GPC5: variants seen among roughly 807,000 people sequenced by gnomAD.
The protein encoded by GPC5 is glypican-5.
Under a neutral mutation model 53.9 loss-of-function variants are expected in GPC5, and 47 were observed. The observed-to-expected ratio is 0.87, with a 90% confidence interval of 0.69 to 1.11. GPC5 has a LOEUF of 1.11. Ranked by LOEUF, GPC5 falls within the 50% of genes most tolerant of loss-of-function variation. GPC5 has a pLI of 0.00. For synonymous variants in GPC5, 286 were observed against 263.3 expected (o/e 1.09, Z -0.84); for missense variants, 748 against 713.1 (o/e 1.05, Z -0.56).
intron 2 of GPC5, among the ~76,000 whole-genome samples, chr13:91,512,950 CT>C (rs148615751): frequency 0.03 from 4,552 of 152,222 alleles, 97 homozygotes; most frequent in Middle Eastern, 0.054. Context: ...CTTTTTACAT[CT>C]TAACCAGATA....
intron 6 of GPC5, among the ~76,000 whole-genome samples, chr13:92,084,881 T>C (rs1459329480): frequency 1.3e-5 from 2 of 152,174 alleles, no homozygotes; most frequent in African/African-American, 4.8e-5. Flanking sequence ...GACAGGATAA[T>C]TTAGACAATT....
At position 92,464,946 on chromosome 13, in the gene GPC5, C is replaced by T. The variant is rs754642092; in HGVS notation, c.1561+319957C>T. On this transcript the variant is annotated intron_variant, in intron 7 of 7. Coordinates refer to ENST00000377067, the MANE Select transcript of GPC5 (RefSeq NM_004466.6). ...TATATTTAAATGTTATATATCTATACATATTAAAACTAAACATAATGAAAG... is the reference window on the plus strand; with the variant it reads ...TATATTTAAATGTTATATATCTATATATATTAAAACTAAACATAATGAAAG... Among the ~76,000 whole-genome samples, 54 of 151,624 alleles carry T rather than the reference C, an allele frequency of 3.6e-4. 1 individual carries two copies. The highest frequency in any genetic ancestry group is 8.3e-4 in the South Asian group (4 of 4,808).
chr13:91,814,232 A>G (rs574176212), intron 5 of GPC5, among the ~76,000 whole-genome samples: 3 of 152,162 alleles, frequency 2.0e-5, no homozygotes, highest in Non-Finnish European at 4.4e-5. Context: ...GCGCCCGGCT[A>G]ACTGAAAGTT....
chr13:91,898,534 G>C (rs1431112535), intron 5 of GPC5, among the ~76,000 whole-genome samples: 2 of 151,980 alleles, frequency 1.3e-5, no homozygotes, highest in Non-Finnish European at 2.9e-5. Flanking sequence ...GGTCTCAAAG[G>C]CTTTTCTGGA....
chr13:92,377,026 A>C, intron 7 of GPC5, among the ~76,000 whole-genome samples: 1 of 152,084 alleles, frequency 6.6e-6, no homozygotes, highest in Middle Eastern at 3.4e-3. Flanking sequence ...AATAAAAAAA[A>C]AAAAGAAAAG....
chr13:91,525,921 ACTGAACATTTGT>A (rs1468901393), intron 2 of GPC5, among the ~76,000 whole-genome samples: 1 of 152,218 alleles, frequency 6.6e-6, no homozygotes, highest in Non-Finnish European at 1.5e-5. Context: ...GAAGTGGAAC[ACTGAACATTTGT>A]CCTCTACCAC....
chr13:91,543,286 C>T (rs772806761), intron 2 of GPC5, among the ~76,000 whole-genome samples: 7 of 152,138 alleles, frequency 4.6e-5, no homozygotes, highest in Non-Finnish European at 8.8e-5. Context: ...AGCCACCGCT[C>T]CGGCCCCCAA....
intron 7 of GPC5, among the ~76,000 whole-genome samples, chr13:92,148,666 A>G (rs1312704426): frequency 2.6e-5 from 4 of 152,042 alleles, no homozygotes; most frequent in African/African-American, 9.7e-5. Context: ...GGGTTGCAGG[A>G]TTGGAATGGC....
intron 1 of GPC5, among the ~76,000 whole-genome samples, chr13:91,417,723 G>A (rs16945906): frequency 0.33 from 50,040 of 151,156 alleles, 8,340 homozygotes; most frequent in Middle Eastern, 0.38. Flanking sequence ...AGTCCATAAC[G>A]AAAGTTCTTG....
intron 2 of GPC5, among the ~76,000 whole-genome samples, chr13:91,583,789 G>A (rs1302417669): frequency 1.3e-5 from 2 of 152,062 alleles, no homozygotes; most frequent in African/African-American, 4.8e-5. Context: ...GTAAAGTGCA[G>A]ATAAAAAAAT....
chr13:92,801,248 A>C (rs897312579), intron 7 of GPC5, among the ~76,000 whole-genome samples: 1 of 151,726 alleles, frequency 6.6e-6, no homozygotes, highest in Non-Finnish European at 1.5e-5. Context: ...ATCTATATTT[A>C]TACAGACATT....
In GPC5 at chr13:91,756,285, T is replaced by C; in HGVS notation, c.1155-10T>C. On this transcript the variant is annotated splice_polypyrimidine_tract_variant and intron_variant, in intron 4 of 7. Transcript: ENST00000377067. ...TTGGTTTTAATTGTTTTCTTTCTTCTTTCATTTAGAGAATTTATCAACAGC... is the reference window on the plus strand; with the variant it reads ...TTGGTTTTAATTGTTTTCTTTCTTCCTTCATTTAGAGAATTTATCAACAGC... 6.8e-7 allele frequency: 1 copy of C among 1,476,044 alleles called. No individual in the cohort carries two copies. The highest frequency in any genetic ancestry group is 9.1e-7 in the Non-Finnish European group (1 of 1,098,038). The allele number at this position is 1,476,044 out of a possible 1,614,324, so 91.4% of individuals were successfully genotyped here. A position where few individuals can be genotyped will look rare whatever the true frequency, so the allele number is the denominator to read the frequency against.
intron 6 of GPC5, among the ~76,000 whole-genome samples, chr13:92,005,181 A>G (rs1468768154): frequency 6.6e-6 from 1 of 152,216 alleles, no homozygotes; most frequent in African/African-American, 2.4e-5. Context: ...CCTAAAAAAG[A>G]AAACTAAAGT....
chr13:92,598,882 T>TG (rs1883960569), intron 7 of GPC5, among the ~76,000 whole-genome samples: 2 of 152,152 alleles, frequency 1.3e-5, no homozygotes, highest in African/African-American at 4.8e-5. Context: ...CTGGGTGTGG[T>TG]GGTGGGCACC....
chr13:92,824,794 A>T (rs1251472156), intron 7 of GPC5, among the ~76,000 whole-genome samples: 1 of 152,038 alleles, frequency 6.6e-6, no homozygotes, highest in African/African-American at 2.4e-5. Flanking sequence ...CCTTATAGTA[A>T]ACAATCTACA....
chr13:91,794,257 A>G (rs1194240632), intron 5 of GPC5, among the ~76,000 whole-genome samples: 3 of 152,208 alleles, frequency 2.0e-5, no homozygotes, highest in Admixed American at 6.5e-5. Flanking sequence ...CTAGTGAGAC[A>G]GTAGAGGGCT....
chr13:91,983,187 T>G (rs2040375919), intron 6 of GPC5, among the ~76,000 whole-genome samples: 1 of 151,780 alleles, frequency 6.6e-6, no homozygotes, highest in South Asian at 2.1e-4. Context: ...CTACTAAAAA[T>G]ACAAAAAAAT....
Position 92,389,081 on chromosome 13 carries a change from G to A in GPC5, c.1561+244092G>A, listed in dbSNP as rs78484791. Among the ~76,000 whole-genome samples, 808 of 152,076 alleles carry A rather than the reference G, an allele frequency of 5.3e-3. 5 individuals are homozygous for A. The highest frequency in any genetic ancestry group is 0.018 in the African/African-American group (755 of 41,518). ...TTTCTTGTTCATAATACACATAGTCGGCAAATAATGACAAATAACACTGAT... is the reference window on the plus strand; with the variant it reads ...TTTCTTGTTCATAATACACATAGTCAGCAAATAATGACAAATAACACTGAT... On this transcript the variant is annotated intron_variant, in intron 7 of 7. Transcript: ENST00000377067.
At chr13:92,414,941 G>A (rs558824015) in intron 7 of GPC5, among the ~76,000 whole-genome samples, 44 of 152,216 alleles carry the variant, frequency 2.9e-4, no homozygotes, top group Middle Eastern at 3.4e-3. Flanking sequence ...TTCAGCATAC[G>A]CATTTTCGGG....
Sources: allele counts gnomAD v4.1 joint callset (sites outside exome capture counted in the v4.1 genomes callset), GRCh38; gene constraint gnomAD v4.1.1; transcripts MANE v1.5; gene names NCBI Gene and HGNC (gene_info 2026-07-23, HGNC 2026-07-21).